Variants in CAST observed in about 807,000 individuals in gnomAD.
CAST encodes the protein calpastatin, also known as MIR583 host.
Under a neutral mutation model 119.6 loss-of-function variants are expected in CAST, and 76 were observed. That is an observed-to-expected ratio of 0.64 (90% CI 0.53 to 0.77). The LOEUF (loss-of-function observed/expected upper bound fraction) is 0.77. CAST is among the 30% of genes least tolerant of loss of function. The pLI, the probability that CAST is intolerant of heterozygous loss-of-function variation, is 0.00. For missense variants in CAST, 953 were observed against 946.5 expected (o/e 1.01, Z -0.09); for synonymous variants, 319 against 331.6 (o/e 0.96, Z 0.41).
At chr5:96,622,161 G>C (rs577440616) in intron 1 of CAST, among the ~76,000 whole-genome samples, 1 of 151,570 alleles carries the variant, frequency 6.6e-6, no homozygotes, top group African/African-American at 2.4e-5. Flanking sequence ...GTAGAGACGG[G>C]GTTTCACCAT....
chr5:96,551,453 A>C (rs1418239500), intron 1 of CAST, among the ~76,000 whole-genome samples: 1 of 152,228 alleles, frequency 6.6e-6, no homozygotes, highest in African/African-American at 2.4e-5. Context: ...GGTACCAGCC[A>C]CTGCAAAAAC....
chr5:96,663,084 C>CGCGCCCTCGCCG, intron 1 of CAST: 1 of 702,000 alleles, frequency 1.4e-6, no homozygotes, highest in East Asian at 2.7e-5. Context: ...CGCAACACCC[C>CGCGCCCTCGCCG]GCGCCCTCGC....
chr5:96,736,151 T>C, intron 9 of CAST, 21 bp from the exon 10 acceptor site: 2 of 1,547,206 alleles, frequency 1.3e-6, no homozygotes, highest in African/African-American at 1.4e-5. Flanking sequence ...GAGGAGTTGT[T>C]AATTTCTCAA....
chr5:96,420,962 G>C, the CAST span, among the ~76,000 whole-genome samples: 513 of 152,248 alleles, frequency 3.4e-3, 2 homozygotes, highest in South Asian at 7.3e-3. Context: ...CCCTAATTTT[G>C]ACCTTGGCTT....
At chr5:96,764,349 A>G (rs1487284807) in intron 25 of CAST, among the ~76,000 whole-genome samples, 3 of 152,224 alleles carry the variant, frequency 2.0e-5, no homozygotes, top group African/African-American at 7.2e-5. Flanking sequence ...AAAGGGGTTA[A>G]ATAAGCTGCC....
chr5:96,556,201 C>T (rs1371116511), intron 1 of CAST, among the ~76,000 whole-genome samples: 10 of 152,128 alleles, frequency 6.6e-5, no homozygotes, highest in African/African-American at 2.4e-4. Context: ...ACACCAAAAC[C>T]CCATCTGTAC....
the CAST span, among the ~76,000 whole-genome samples, chr5:96,023,200 G>C: frequency 6.6e-6 from 1 of 152,140 alleles, no homozygotes; most frequent in African/African-American, 2.4e-5. Context: ...ATGAGCAAAA[G>C]GGAAGTTGTG....
intron 3 of CAST, among the ~76,000 whole-genome samples, chr5:96,707,285 CTG>C (rs1281886486): frequency 6.6e-6 from 1 of 152,004 alleles, no homozygotes; most frequent in Admixed American, 6.5e-5. Flanking sequence ...TTACAACACT[CTG>C]TTTTTTAAAA....
chr5:96,318,778 T>G, the CAST span: 1 of 152,352 alleles, frequency 6.6e-6, no homozygotes, highest in Non-Finnish European at 1.5e-5. Context: ...TGGTTGAGTC[T>G]GTTCCCAGCT....
intron 3 of CAST, among the ~76,000 whole-genome samples, chr5:96,721,468 G>A (rs1758249575): frequency 6.6e-6 from 1 of 152,110 alleles, no homozygotes; most frequent in Non-Finnish European, 1.5e-5. Context: ...GAAGGTAAGG[G>A]AGAAGCAGGA....
chr5:96,171,470 T>C, the CAST span, among the ~76,000 whole-genome samples: 1 of 152,032 alleles, frequency 6.6e-6, no homozygotes, highest in Non-Finnish European at 1.5e-5. Flanking sequence ...CAGGCGTCCC[T>C]GCAATTGACT....
chr5:96,071,513 A>G, the CAST span, among the ~76,000 whole-genome samples: 317 of 152,126 alleles, frequency 2.1e-3, 1 homozygote, highest in African/African-American at 7.3e-3. Flanking sequence ...ATTTTCCCCA[A>G]AGTCCTACCA....
the CAST span, among the ~76,000 whole-genome samples, chr5:96,064,857 T>C: frequency 1.3e-5 from 2 of 152,196 alleles, no homozygotes; most frequent in African/African-American, 2.4e-5. Context: ...TATGCTACTA[T>C]ATTATTTCTA....
chr5:96,525,645 CGAATTGTA>C (rs2150176093), upstream of CAST, among the ~76,000 whole-genome samples: 1 of 152,172 alleles, frequency 6.6e-6, no homozygotes, highest in East Asian at 1.9e-4. Context: ...CTTTTGCCAA[CGAATTGTA>C]ATCCGGTGTT....
the CAST span, chr5:96,390,685 T>C: frequency 6.6e-6 from 1 of 152,656 alleles, no homozygotes; most frequent in East Asian, 1.9e-4. Context: ...AAAGCATTGG[T>C]ATATTATAAA....
At chr5:96,495,824 G>A in the CAST span, among the ~76,000 whole-genome samples, 23 of 152,310 alleles carry the variant, frequency 1.5e-4, no homozygotes, top group Non-Finnish European at 3.1e-4. Context: ...TTTGAACAGA[G>A]AGGCTGTGGG....
chr5:96,094,516 T>G, the CAST span, among the ~76,000 whole-genome samples: 1 of 152,100 alleles, frequency 6.6e-6, no homozygotes, highest in African/African-American at 2.4e-5. Flanking sequence ...TAAGATACAC[T>G]TAGAAGAGAG....
chr5:96,768,276 G>A, intron 29 of CAST: 1 of 424,252 alleles, frequency 2.4e-6, no homozygotes, highest in Non-Finnish European at 4.4e-6. Flanking sequence ...GTAGAGAGGG[G>A]GTTTCGCCAT....
At chr5:96,668,016 A>G (rs1179298940) in intron 1 of CAST, among the ~76,000 whole-genome samples, 3 of 152,234 alleles carry the variant, frequency 2.0e-5, no homozygotes, top group Admixed American at 6.5e-5. Context: ...CTCCGTCTCA[A>G]TAAATAAATG....
Sources: gnomAD v4.1 joint callset for allele counts (sites outside exome capture counted in the v4.1 genomes callset) on GRCh38, gnomAD v4.1.1 for gene constraint, MANE v1.5 for transcripts, NCBI Gene and HGNC (gene_info 2026-07-23, HGNC 2026-07-21) for gene names.